The following ADAMTSL1 variants were observed in gnomAD, a reference collection of about 807,000 sequenced individuals.
ADAMTSL1 encodes the protein ADAMTS-like protein 1.
A neutral mutation model predicts 201.8 loss-of-function variants in ADAMTSL1; 126 were observed. That is an observed-to-expected ratio of 0.62 (90% CI 0.54 to 0.72). ADAMTSL1 has a LOEUF of 0.72. Ranked by LOEUF, ADAMTSL1 falls within the 30% of genes least tolerant of loss-of-function variation. ADAMTSL1 has a pLI of 0.00. For synonymous variants in ADAMTSL1, 1,121 were observed against 903.4 expected, an observed-to-expected ratio of 1.24 and a Z score of -4.32; for missense variants, 2,679 against 2,277.8, an observed-to-expected ratio of 1.18 and a Z score of -3.59.
At position 18,554,479 on chromosome 9, in the gene ADAMTSL1, A is replaced by T. The variant is rs1406379825; in HGVS notation, c.238-19551A>T. Among the ~76,000 whole-genome samples the T allele has an allele frequency of 2.6e-5, 4 of 151,798 alleles. No individual in the cohort carries two copies. In the East Asian group the frequency reaches 7.7e-4, roughly 29 times the overall value. ...GTTTGCTCTTGAGGAGGATGTTGGC[A>T]TAGGGTGACCCAATGCGAATCCAAG... is the stretch of plus-strand genomic sequence containing the variant. On this transcript the variant is annotated intron_variant, in intron 3 of 28. Coordinates refer to ENST00000380548, the MANE Select transcript of ADAMTSL1 (RefSeq NM_001040272.6).
At chr9:18,333,771 C>T (rs774527884) in intron 2 of ADAMTSL1, among the ~76,000 whole-genome samples, 2 of 151,996 alleles carry the variant, frequency 1.3e-5, no homozygotes, top group Non-Finnish European at 2.9e-5. Context: ...AGATTTTACC[C>T]TAGAAAAAAG....
chr9:18,663,302 C>A (rs1012257081), intron 9 of ADAMTSL1, among the ~76,000 whole-genome samples: 1 of 151,818 alleles, frequency 6.6e-6, no homozygotes, highest in African/African-American at 2.4e-5. Flanking sequence ...ATTAAAAGAA[C>A]AAAAAGAATA....
chr9:18,568,174 G>A (rs953522371), intron 3 of ADAMTSL1, among the ~76,000 whole-genome samples: 27 of 152,264 alleles, frequency 1.8e-4, no homozygotes, highest in African/African-American at 6.3e-4. Flanking sequence ...GGAGGTCTGA[G>A]TTGCAAATAG....
chr9:18,159,503 A>C (rs879466732), intron 1 of ADAMTSL1, among the ~76,000 whole-genome samples: 36 of 152,050 alleles, frequency 2.4e-4, no homozygotes, highest in Non-Finnish European at 5.3e-4. Flanking sequence ...AGCTACGTGG[A>C]ATTTCTATTC....
At chr9:18,342,930 G>A (rs548301784) in intron 2 of ADAMTSL1, among the ~76,000 whole-genome samples, 1 of 152,198 alleles carries the variant, frequency 6.6e-6, no homozygotes, top group Non-Finnish European at 1.5e-5. Flanking sequence ...AGCTGCTGGT[G>A]CTCGGATGAC....
chr9:18,206,985 T>G (rs546178622), intron 2 of ADAMTSL1, among the ~76,000 whole-genome samples: 2 of 152,048 alleles, frequency 1.3e-5, no homozygotes, highest in African/African-American at 4.8e-5. Context: ...GCCAACATGG[T>G]GAAACCCCGT....
chr9:18,390,988 G>T (rs972504735), intron 2 of ADAMTSL1, among the ~76,000 whole-genome samples: 8 of 152,102 alleles, frequency 5.3e-5, no homozygotes, highest in African/African-American at 1.9e-4. Flanking sequence ...TGGATGTTGG[G>T]GTCATCTAAT....
chr9:18,032,974 C>T (rs10963403), intron 1 of ADAMTSL1, among the ~76,000 whole-genome samples: 41,157 of 152,118 alleles, frequency 0.27, 7,070 homozygotes, highest in Non-Finnish European at 0.38. Flanking sequence ...GTCAAAAGAT[C>T]TGTTCGAAAT....
At chr9:18,527,428 G>A (rs1023046813) in intron 2 of ADAMTSL1, among the ~76,000 whole-genome samples, 2 of 152,144 alleles carry the variant, frequency 1.3e-5, no homozygotes, top group Admixed American at 1.3e-4. Context: ...CTATTGCTTA[G>A]TGAAGAGATG....
chr9:18,838,089 T>A (rs150358090), intron 23 of ADAMTSL1, among the ~76,000 whole-genome samples: 1 of 152,156 alleles, frequency 6.6e-6, no homozygotes, highest in Non-Finnish European at 1.5e-5. Context: ...TCCACATGGC[T>A]GGGGAGGCCT....
chr9:17,939,292 G>C (rs1827135646), intron 1 of ADAMTSL1, among the ~76,000 whole-genome samples: 1 of 25,558 alleles, frequency 3.9e-5, no homozygotes, highest in Non-Finnish European at 8.6e-5. Context: ...CCCTTCATTA[G>C]AAACTTTTTT....
chr9:18,395,502 T>C (rs1404920926), intron 2 of ADAMTSL1, among the ~76,000 whole-genome samples: 1 of 152,194 alleles, frequency 6.6e-6, no homozygotes, highest in African/African-American at 2.4e-5. Flanking sequence ...AGGAAAGCCT[T>C]GAGGATTTGC....
chr9:18,306,967 G>C (rs921435080), intron 2 of ADAMTSL1, among the ~76,000 whole-genome samples: 1 of 152,150 alleles, frequency 6.6e-6, no homozygotes, highest in Non-Finnish European at 1.5e-5. Context: ...ACCCACAAAG[G>C]GAAGCCCACC....
At chr9:18,186,860 CAT>C (rs1159816785) in intron 2 of ADAMTSL1, among the ~76,000 whole-genome samples, 10 of 150,370 alleles carry the variant, frequency 6.7e-5, no homozygotes, top group African/African-American at 1.2e-4. Context: ...CACACACACA[CAT>C]GCACAAACAC....
chr9:18,681,710 CGG>C, intron 11 of ADAMTSL1, 100 bp from the exon 12 acceptor site: 1 of 327,114 alleles, frequency 3.1e-6, no homozygotes, highest in Non-Finnish European at 4.2e-6. Context: ...GGGGGGGGGG[CGG>C]GGAAAAAGAA....
At chr9:18,682,834 T>C (rs1830585994) in intron 12 of ADAMTSL1, among the ~76,000 whole-genome samples, 1 of 152,024 alleles carries the variant, frequency 6.6e-6, no homozygotes, top group African/African-American at 2.4e-5. Context: ...ATTAATGATA[T>C]AAAAGGAAAC....
At chr9:18,755,882 A>G (rs1819718303) in intron 16 of ADAMTSL1, among the ~76,000 whole-genome samples, 1 of 151,836 alleles carries the variant, frequency 6.6e-6, no homozygotes, top group African/African-American at 2.4e-5. Flanking sequence ...ATCAGTGACT[A>G]CAGTTTAATA....
chr9:18,091,068 CATGTGTGTGT>C (rs1246839441), intron 1 of ADAMTSL1, among the ~76,000 whole-genome samples: 4 of 147,544 alleles, frequency 2.7e-5, no homozygotes, highest in Non-Finnish European at 6.0e-5. Context: ...TGTGTATATG[CATGTGTGTGT>C]GTGTGTGTGT....
At chr9:18,339,152 A>G (rs759011274) in intron 2 of ADAMTSL1, among the ~76,000 whole-genome samples, 16 of 152,190 alleles carry the variant, frequency 1.1e-4, no homozygotes, top group Non-Finnish European at 2.2e-4. Context: ...AAAATAAGCT[A>G]TAACAGAGTA....
Sources: gnomAD v4.1 joint callset for allele counts (sites outside exome capture counted in the v4.1 genomes callset) on GRCh38, gnomAD v4.1.1 for gene constraint, MANE v1.5 for transcripts, NCBI Gene and HGNC (gene_info 2026-07-23, HGNC 2026-07-21) for gene names.